Variants in BMPER observed in about 807,000 individuals in gnomAD.
BMPER encodes BMP binding endothelial regulator.
BMPER carries 45 observed loss-of-function variants against 87.3 expected under a neutral mutation model. The observed-to-expected ratio is 0.52, with a 90% CI of 0.41 to 0.66. The LOEUF is 0.66. Among genes scored for constraint, BMPER ranks in the 30% least tolerant of loss-of-function variants. The pLI is 0.00. For missense variants in BMPER, 784 were observed against 867.5 expected, an observed-to-expected ratio of 0.90 and a Z score of 1.21; for synonymous variants, 326 against 316.2, an observed-to-expected ratio of 1.03 and a Z score of -0.33.
intron 2 of BMPER, among the ~76,000 whole-genome samples, chr7:33,933,915 G>A (rs1292156444): frequency 6.6e-6 from 1 of 152,196 alleles, no homozygotes; most frequent in Non-Finnish European, 1.5e-5. Flanking sequence ...CTGTAAGATG[G>A]CGATCATTGG....
intron 2 of BMPER, among the ~76,000 whole-genome samples, chr7:33,928,470 T>A (rs1391787331): frequency 6.7e-6 from 1 of 150,292 alleles, no homozygotes; most frequent in Non-Finnish European, 1.5e-5. Flanking sequence ...TTGGTGGTTG[T>A]TTTTTTTTGT....
At position 34,035,093 on chromosome 7, in the gene BMPER, C is replaced by T. The variant is rs1787628656; in HGVS notation, c.577-11213C>T. On this transcript the variant is annotated intron_variant, in intron 6 of 14. Coordinates refer to ENST00000649409, the MANE Select transcript of BMPER (RefSeq NM_001365308.1). ...GATTGGGTTGCAGCCTGTCTCAAAA[C>T]ACAAACTTAAAATTGTTTGACAAGA... Among the ~76,000 whole-genome samples the T allele has an allele frequency of 2.6e-5, 4 of 152,122 alleles. No individual in the cohort carries two copies. In the South Asian group the frequency reaches 8.3e-4, roughly 31 times the overall value.
intron 12 of BMPER, among the ~76,000 whole-genome samples, chr7:34,080,590 G>C (rs1450453120): frequency 6.6e-6 from 1 of 152,182 alleles, no homozygotes; most frequent in Non-Finnish European, 1.5e-5. Context: ...ATGGCGCTCT[G>C]TAAATGTAGG....
chr7:34,013,413 G>A (rs1027643248), intron 6 of BMPER, among the ~76,000 whole-genome samples: 8 of 150,614 alleles, frequency 5.3e-5, no homozygotes, highest in Non-Finnish European at 1.0e-4. Context: ...GATCTCCAGC[G>A]AAGGCGTCCT....
At chr7:34,141,607 T>C (rs1385779005) in intron 13 of BMPER, among the ~76,000 whole-genome samples, 3 of 67,556 alleles carry the variant, frequency 4.4e-5, no homozygotes, top group Non-Finnish European at 8.0e-5. Context: ...TGAAACACCA[T>C]CTCAAAAAAA....
At chr7:33,905,962 A>T (rs568624511) in intron 1 of BMPER, among the ~76,000 whole-genome samples, 1 of 152,338 alleles carries the variant, frequency 6.6e-6, no homozygotes, top group African/African-American at 2.4e-5. Flanking sequence ...ATGTAGTAAT[A>T]ATAGACATTC....
chr7:33,975,282 T>C (rs1248391654), intron 6 of BMPER, among the ~76,000 whole-genome samples: 2 of 152,000 alleles, frequency 1.3e-5, no homozygotes, highest in Admixed American at 6.5e-5. Context: ...TAAGAAGCAA[T>C]GGGGACAAAC....
At chr7:34,131,417 A>G (rs903568355) in intron 13 of BMPER, among the ~76,000 whole-genome samples, 3 of 152,162 alleles carry the variant, frequency 2.0e-5, no homozygotes, top group African/African-American at 7.2e-5. Flanking sequence ...CCAGCATCTG[A>G]AAAAGTTCAC....
At position 34,120,540 on chromosome 7, in the gene BMPER, A is replaced by G. The variant is rs143800093; in HGVS notation, c.1746-22690A>G. On this transcript the variant is annotated intron_variant, in intron 13 of 14. Transcript: ENST00000649409. ...CAGCCTCCTGAGTAGCTGGAATTAC[A>G]GGCGTGCACCATCACGCCCGGCTAA... is the stretch of plus-strand genomic sequence containing the variant. 4.8e-3 allele frequency among the ~76,000 whole-genome samples: 735 copies of G among 152,298 alleles called. 6 individuals carry two copies. The highest frequency in any genetic ancestry group is 0.016 in the African/African-American group (656 of 41,568).
At chr7:34,143,412 G>T in intron 14 of BMPER, 52 bp downstream of exon 14, 2 of 1,609,650 alleles carry the variant, frequency 1.2e-6, no homozygotes, top group Non-Finnish European at 8.5e-7. Context: ...CAATGCCCAA[G>T]ATGGCAATGG....
At chr7:33,994,374 C>T (rs1344878501) in intron 6 of BMPER, among the ~76,000 whole-genome samples, 1 of 152,166 alleles carries the variant, frequency 6.6e-6, no homozygotes, top group Non-Finnish European at 1.5e-5. Flanking sequence ...GTGGGAGTGA[C>T]CCGATTTTCC....
At chr7:34,138,576 T>G (rs1039368541) in intron 13 of BMPER, among the ~76,000 whole-genome samples, 3 of 152,194 alleles carry the variant, frequency 2.0e-5, no homozygotes, top group African/African-American at 7.2e-5. Context: ...CCAGGCAAGA[T>G]GCCAGGAGTG....
At chr7:33,975,208 C>A in intron 6 of BMPER, among the ~76,000 whole-genome samples, 1 of 152,150 alleles carries the variant, frequency 6.6e-6, no homozygotes, top group East Asian at 1.9e-4. Flanking sequence ...CATGGATTTT[C>A]TGTTCCTCAG....
intron 13 of BMPER, among the ~76,000 whole-genome samples, chr7:34,112,860 T>C (rs961215720): frequency 1.3e-5 from 2 of 152,068 alleles, no homozygotes; most frequent in Admixed American, 6.6e-5. Flanking sequence ...ACATAGTTTA[T>C]CTAATCATTT....
chr7:33,935,866 A>C (rs979789713), intron 2 of BMPER, among the ~76,000 whole-genome samples: 7 of 152,208 alleles, frequency 4.6e-5, no homozygotes, highest in African/African-American at 1.7e-4. Context: ...TCAGTGGACA[A>C]GTTTGAGCAA....
chr7:33,914,495 G>A (rs12534146), intron 2 of BMPER, among the ~76,000 whole-genome samples: 62,127 of 151,970 alleles, frequency 0.41, 13,098 homozygotes, highest in East Asian at 0.61. Flanking sequence ...GGGTCATGTG[G>A]GTGGGTGGGT....
chr7:33,975,986 A>G (rs1371981981), intron 6 of BMPER, among the ~76,000 whole-genome samples: 2 of 152,010 alleles, frequency 1.3e-5, no homozygotes, highest in Non-Finnish European at 2.9e-5. Flanking sequence ...ATATCTCTAT[A>G]TATCTAGATA....
intron 3 of BMPER, among the ~76,000 whole-genome samples, chr7:33,959,867 C>G (rs543384935): frequency 1.0e-3 from 153 of 152,252 alleles, no homozygotes; most frequent in African/African-American, 3.5e-3. Flanking sequence ...CAAACACAAA[C>G]ATTAGAAATC....
chr7:34,129,680 G>GAAAGAAAGAAAGAA (rs1313374728), intron 13 of BMPER, among the ~76,000 whole-genome samples: 59 of 151,314 alleles, frequency 3.9e-4, no homozygotes, highest in African/African-American at 1.4e-3. Context: ...AAGAAAGAAA[G>GAAAGAAAGAAAGAA]AAAACCTGCC....
Sources: allele counts gnomAD v4.1 joint callset (sites outside exome capture counted in the v4.1 genomes callset), GRCh38; gene constraint gnomAD v4.1.1; transcripts MANE v1.5; gene names NCBI Gene and HGNC (gene_info 2026-07-23, HGNC 2026-07-21).